The following GTF2E2 variants were observed in gnomAD, a reference collection of about 807,000 sequenced individuals.
GTF2E2 encodes general transcription factor IIE subunit 2.
Under a neutral mutation model 40.5 loss-of-function variants are expected in GTF2E2, and 21 were observed. That is an observed-to-expected ratio of 0.52 (90% CI 0.37 to 0.75). The LOEUF (loss-of-function observed/expected upper bound fraction) is 0.75, where lower values mean the gene tolerates loss of function less well. Among genes scored for constraint, GTF2E2 ranks in the 30% least tolerant of loss-of-function variants. GTF2E2 has a pLI of 0.00. For missense variants in GTF2E2, 298 were observed against 338.4 expected (o/e 0.88, Z 0.94); for synonymous variants, 117 against 121.6 (o/e 0.96, Z 0.25).
At chr8:30,645,267 T>C (rs1450111445) in intron 2 of GTF2E2, 72 of 1,496,642 alleles carry the variant, frequency 4.8e-5, no homozygotes, top group Non-Finnish European at 6.4e-5. Flanking sequence ...ATTCATTTTC[T>C]ACCTTTTTTA....
intron 1 of GTF2E2, among the ~76,000 whole-genome samples, chr8:30,656,670 T>C (rs1482969139): frequency 6.6e-6 from 1 of 151,808 alleles, no homozygotes; most frequent in African/African-American, 2.4e-5. Flanking sequence ...GTGCAGGGTG[T>C]CGTTGCGGGT....
chr8:30,587,470 C>CAAA (rs60625075), intron 6 of GTF2E2, among the ~76,000 whole-genome samples: 23 of 147,272 alleles, frequency 1.6e-4, no homozygotes, highest in Admixed American at 8.8e-4. Flanking sequence ...AAAATAATAG[C>CAAA]AAAAAAAAAA....
chr8:30,596,109 G>C (rs906707998), intron 6 of GTF2E2, among the ~76,000 whole-genome samples: 1 of 151,986 alleles, frequency 6.6e-6, no homozygotes, highest in African/African-American at 2.4e-5. Context: ...GATATGCCTC[G>C]GTGTTTTTCT....
intron 1 of GTF2E2, among the ~76,000 whole-genome samples, chr8:30,655,085 G>A (rs1802412085): frequency 6.6e-6 from 1 of 151,648 alleles, no homozygotes; most frequent in African/African-American, 2.4e-5. Flanking sequence ...CGTGTAGTCC[G>A]GGCTACTCAG....
chr8:30,594,510 T>G, intron 6 of GTF2E2, among the ~76,000 whole-genome samples: 1 of 151,216 alleles, frequency 6.6e-6, no homozygotes, highest in African/African-American at 2.4e-5. Context: ...TACAGTGGGT[T>G]TCTTATAGAC....
intron 2 of GTF2E2, chr8:30,637,306 A>T: frequency 2.2e-6 from 1 of 456,166 alleles, no homozygotes; most frequent in Non-Finnish European, 4.4e-6. Context: ...TGTGTTAAGG[A>T]CAAACACCAC....
intron 6 of GTF2E2, among the ~76,000 whole-genome samples, chr8:30,602,146 T>C (rs1829198261): frequency 6.6e-6 from 1 of 151,988 alleles, no homozygotes; most frequent in Non-Finnish European, 1.5e-5. Flanking sequence ...GCCTCCCAGG[T>C]AGCTGGGATT....
intron 6 of GTF2E2, among the ~76,000 whole-genome samples, chr8:30,603,041 G>A (rs374882255): frequency 6.6e-5 from 10 of 151,980 alleles, no homozygotes. Flanking sequence ...CATACAATCC[G>A]CAGTATTTTC....
intron 5 of GTF2E2, among the ~76,000 whole-genome samples, chr8:30,611,462 G>GA (rs1250843004): frequency 2.6e-5 from 4 of 151,196 alleles, no homozygotes; most frequent in Non-Finnish European, 5.9e-5. Flanking sequence ...GTCACGAATG[G>GA]AAAAAAAAGA....
intron 6 of GTF2E2, chr8:30,597,331 T>C (rs1201746787): frequency 6.6e-6 from 1 of 152,260 alleles, no homozygotes. Context: ...CAAAAGGATC[T>C]ACTGTCCCTC....
intron 5 of GTF2E2, among the ~76,000 whole-genome samples, chr8:30,610,875 T>C (rs1009336855): frequency 6.6e-6 from 1 of 151,880 alleles, no homozygotes; most frequent in Non-Finnish European, 1.5e-5. Flanking sequence ...ATCAACAGAG[T>C]AAAATGGCAA....
At chr8:30,619,010 T>C (rs1801006342) in intron 3 of GTF2E2, among the ~76,000 whole-genome samples, 1 of 152,230 alleles carries the variant, frequency 6.6e-6, no homozygotes, top group African/African-American at 2.4e-5. Flanking sequence ...TGGTGCAATC[T>C]TGGGTCACTG....
At chr8:30,580,739 C>G (rs1179807964) in intron 6 of GTF2E2, among the ~76,000 whole-genome samples, 1 of 152,182 alleles carries the variant, frequency 6.6e-6, no homozygotes, top group Admixed American at 6.5e-5. Context: ...CTCCCCTAAG[C>G]ATGATATACT....
chr8:30,612,137 A>G (rs988438960), intron 5 of GTF2E2, among the ~76,000 whole-genome samples, 162 bp downstream of exon 5: 2 of 152,232 alleles, frequency 1.3e-5, no homozygotes, highest in African/African-American at 4.8e-5. Context: ...CTTTCCTGCT[A>G]GGTGGCACAA....
At chr8:30,638,436 C>T (rs1295561540) in intron 2 of GTF2E2, among the ~76,000 whole-genome samples, 1 of 152,030 alleles carries the variant, frequency 6.6e-6, no homozygotes, top group Non-Finnish European at 1.5e-5. Context: ...GAAGGGATGA[C>T]AGTTGATACC....
intron 6 of GTF2E2, among the ~76,000 whole-genome samples, chr8:30,585,426 T>TATGTAAA (rs917394516): frequency 2.0e-5 from 3 of 152,184 alleles, no homozygotes; most frequent in African/African-American, 7.2e-5. Context: ...TGATCTCATT[T>TATGTAAA]ATGTAAAGCA....
At chr8:30,590,512 A>G (rs1828814721) in intron 6 of GTF2E2, among the ~76,000 whole-genome samples, 1 of 152,190 alleles carries the variant, frequency 6.6e-6, no homozygotes, top group African/African-American at 2.4e-5. Context: ...TCTAAAGGAC[A>G]CTGGACCCAC....
intron 6 of GTF2E2, among the ~76,000 whole-genome samples, chr8:30,600,175 A>G (rs1829135952): frequency 6.6e-6 from 1 of 152,026 alleles, no homozygotes; most frequent in African/African-American, 2.4e-5. Context: ...AACACCAAAA[A>G]CCATAACGTA....
At chr8:30,607,417 C>T (rs1829349140) in intron 5 of GTF2E2, among the ~76,000 whole-genome samples, 1 of 152,050 alleles carries the variant, frequency 6.6e-6, no homozygotes, top group East Asian at 1.9e-4. Context: ...TAACTGGGAC[C>T]ACTGGTGCAT....
Sources: gnomAD v4.1 joint callset for allele counts (sites outside exome capture counted in the v4.1 genomes callset) on GRCh38, gnomAD v4.1.1 for gene constraint, MANE v1.5 for transcripts, NCBI Gene and HGNC (gene_info 2026-07-23, HGNC 2026-07-21) for gene names.